EXT1: variants seen among roughly 807,000 people sequenced by gnomAD.
EXT1 encodes exostosin-1.
EXT1 carries 20 observed loss-of-function variants against 82.5 expected under a neutral mutation model. The observed-to-expected ratio is 0.24, with a 90% confidence interval of 0.17 to 0.35. The LOEUF is 0.35. EXT1 is among the 10% of genes least tolerant of loss of function. The pLI is 1.00. For missense variants in EXT1, 757 were observed against 936.5 expected (o/e 0.81, Z 2.50); for synonymous variants, 348 against 350.8 (o/e 0.99, Z 0.09).
intron 7 of EXT1, among the ~76,000 whole-genome samples, chr8:117,816,835 C>T (rs555735276): frequency 3.2e-4 from 49 of 152,290 alleles, no homozygotes; most frequent in Non-Finnish European, 6.6e-4. Flanking sequence ...CAAAGAAAGA[C>T]ATTATCCACC....
intron 1 of EXT1, among the ~76,000 whole-genome samples, chr8:117,942,781 T>TAAAA (rs1430208198): frequency 6.6e-6 from 1 of 152,196 alleles, no homozygotes; most frequent in African/African-American, 2.4e-5. Context: ...AATGTTTTTT[T>TAAAA]AAACATTCAT....
In EXT1 at chr8:117,830,210, A is replaced by G. The variant is rs768661963; in HGVS notation, c.1284+20T>C. On this transcript the variant is annotated intron_variant, in intron 4 of 10. Transcript: ENST00000378204. ...TAAAGGACCATTATTCAAGCCCAAGAGCCAAGTGGTCTCACTTACCTCTAG... is the reference window on the plus strand; with the variant it reads ...TAAAGGACCATTATTCAAGCCCAAGGGCCAAGTGGTCTCACTTACCTCTAG... The G allele has an allele frequency of 1.9e-6, 3 of 1,613,820 alleles. No individual in the cohort carries two copies. Among genetic ancestry groups the G allele is most frequent in the Admixed American group, 3.3e-5 (2 of 60,020 alleles).
At chr8:117,973,513 TA>T in intron 1 of EXT1, among the ~76,000 whole-genome samples, 1 of 152,116 alleles carries the variant, frequency 6.6e-6, no homozygotes, top group Non-Finnish European at 1.5e-5. Flanking sequence ...ACATCTTTTT[TA>T]AAAAGTCACT....
rs577312892 is a variant in EXT1 at position 117,895,154 on chromosome 8, G to C, written c.963-57953C>G. On this transcript the variant is annotated intron_variant, in intron 1 of 10. Coordinates refer to ENST00000378204, the MANE Select transcript of EXT1 (RefSeq NM_000127.3). ...AACCAGGGAAGGCTGTGAAGTTACA[G>C]TGAGTGATTTGATAACATCTGGCTT... Among the ~76,000 whole-genome samples the C allele has an allele frequency of 2.0e-5, 3 of 152,270 alleles. No homozygotes were observed. In the South Asian group the frequency reaches 6.2e-4, roughly 32 times the overall value.
At position 117,922,109 on chromosome 8, in the gene EXT1, G is replaced by GC. The variant is rs575794428; in HGVS notation, c.963-84909dup. On this transcript the variant is annotated intron_variant, in intron 1 of 10. Transcript: ENST00000378204. ...GATAATCCACTTTGGTTCAGAGGTG[G>GC]CCCCTTTTGCTTGAAAGGAAACCAG... 3.0e-4 allele frequency among the ~76,000 whole-genome samples: 45 copies of GC among 152,104 alleles called. No individual in the cohort carries two copies. In the East Asian group the frequency reaches 7.9e-3, roughly 27 times the overall value.
intron 1 of EXT1, among the ~76,000 whole-genome samples, chr8:117,902,957 A>T (rs190383031): frequency 1.5e-3 from 221 of 152,378 alleles, no homozygotes; most frequent in Non-Finnish European, 1.6e-3. Context: ...CCTTACAAAG[A>T]AAAGTTGTTT....
At chr8:117,998,443 T>A (rs1815592668) in intron 1 of EXT1, among the ~76,000 whole-genome samples, 1 of 152,120 alleles carries the variant, frequency 6.6e-6, no homozygotes, top group Non-Finnish European at 1.5e-5. Flanking sequence ...CCGAGTACAC[T>A]AAGACAACAG....
rs747020325 is a variant in EXT1 at position 117,835,470 on chromosome 8, T to G, written c.1138A>C (p.Ile380Leu). 1.2e-6 allele frequency: 2 copies of G among 1,614,032 alleles called. No individual in the cohort carries two copies. Among genetic ancestry groups the G allele is most frequent in the Non-Finnish European group, 1.7e-6 (2 of 1,179,974 alleles). Reference sequence around the variant, plus strand: ...TGTAATAACAATCTCTCATCGCCTATGACGGCAGCTTGGTTCCAATTAATC... The same window carrying G: ...TGTAATAACAATCTCTCATCGCCTAGGACGGCAGCTTGGTTCCAATTAATC... ...EVINWNQAAV[I>L]GDERLLLQIP... Residue 380 changes from isoleucine (I) to leucine (L), a missense_variant, in exon 3 of 11, where the codon ATA becomes CTA. Ile to Leu is a conservative substitution (Grantham distance 5). This residue lies in a region of EXT1 where 247 missense variants were observed against 330.1 expected (regional missense o/e 0.75). Transcript: ENST00000378204.
intron 1 of EXT1, among the ~76,000 whole-genome samples, chr8:117,911,234 G>A (rs1371499579): frequency 6.6e-6 from 1 of 152,152 alleles, no homozygotes; most frequent in Non-Finnish European, 1.5e-5. Context: ...CCAATGGCAG[G>A]AAAAGATCAT....
At chr8:118,012,192 A>C (rs1478203242) in intron 1 of EXT1, among the ~76,000 whole-genome samples, 1 of 152,256 alleles carries the variant, frequency 6.6e-6, no homozygotes, top group African/African-American at 2.4e-5. Context: ...CCCTCAATGA[A>C]GCGCAGGCCA....
intron 1 of EXT1, among the ~76,000 whole-genome samples, chr8:117,879,085 C>G (rs1187840597): frequency 1.3e-5 from 2 of 152,200 alleles, no homozygotes; most frequent in Non-Finnish European, 2.9e-5. Context: ...GCAGATAATA[C>G]AGCTAGATGT....
chr8:117,989,577 C>T (rs948827119), intron 1 of EXT1, among the ~76,000 whole-genome samples: 1 of 152,194 alleles, frequency 6.6e-6, no homozygotes, highest in Non-Finnish European at 1.5e-5. Context: ...GGAAGAACAA[C>T]TTGGGGAAAG....
chr8:118,003,432 T>C (rs1815713166), intron 1 of EXT1, among the ~76,000 whole-genome samples: 1 of 152,076 alleles, frequency 6.6e-6, no homozygotes, highest in African/African-American at 2.4e-5. Context: ...AGAAATTAGA[T>C]TTTTCTAATT....
At position 117,933,936 on chromosome 8, in the gene EXT1, A is replaced by G. The variant is rs544011047; in HGVS notation, c.963-96735T>C. 3.1e-4 allele frequency among the ~76,000 whole-genome samples: 47 copies of G among 152,174 alleles called. No individual in the cohort carries two copies. The South Asian group carries it at 9.5e-3, about 31-fold the overall frequency. ...TGCTCCACGTGAAGATGCCCTCTTC[A>G]CAGAGCAATGGATCCCCCTCTCCTG... On this transcript the variant is annotated intron_variant, in intron 1 of 10. Coordinates refer to ENST00000378204, the MANE Select transcript of EXT1 (RefSeq NM_000127.3).
intron 1 of EXT1, among the ~76,000 whole-genome samples, chr8:117,960,526 A>G (rs146936691): frequency 6.6e-6 from 1 of 152,360 alleles, no homozygotes; most frequent in East Asian, 1.9e-4. Flanking sequence ...ATAGAGAAAC[A>G]AATCAGGTAA....
intron 1 of EXT1, among the ~76,000 whole-genome samples, chr8:118,087,454 G>A (rs771654315): frequency 5.3e-5 from 8 of 152,138 alleles, no homozygotes; most frequent in South Asian, 4.2e-4. Flanking sequence ...AAAAACGTAC[G>A]TAGAAGTTTG....
chr8:117,964,822 G>A (rs956738876), intron 1 of EXT1, among the ~76,000 whole-genome samples: 5 of 152,206 alleles, frequency 3.3e-5, no homozygotes, highest in African/African-American at 1.2e-4. Context: ...ATTTTTAGTA[G>A]AGACAGGGTT....
intron 1 of EXT1, among the ~76,000 whole-genome samples, chr8:117,859,238 G>A (rs897791319): frequency 1.3e-5 from 2 of 152,116 alleles, no homozygotes; most frequent in African/African-American, 4.8e-5. Flanking sequence ...TATCTCTGAC[G>A]TGTGTCTTAG....
intron 1 of EXT1, among the ~76,000 whole-genome samples, chr8:118,098,222 C>A (rs1237006164): frequency 6.6e-6 from 1 of 152,124 alleles, no homozygotes; most frequent in Non-Finnish European, 1.5e-5. Flanking sequence ...AGTGTGCCTG[C>A]TACACGTCCA....
Sources: allele counts gnomAD v4.1 joint callset (sites outside exome capture counted in the v4.1 genomes callset), GRCh38; gene constraint gnomAD v4.1.1; regional missense constraint gnomAD v4.1.1; transcripts MANE v1.5; gene names NCBI Gene and HGNC (gene_info 2026-07-23, HGNC 2026-07-21).